ZC3H11C: variants seen among roughly 807,000 people sequenced by gnomAD.
ZC3H11C encodes zinc finger CCCH-type containing 11C.
At chr6:65,303,162 T>TA in the ZC3H11C span, 5 of 749,388 alleles carry the variant, frequency 6.7e-6, no homozygotes, top group East Asian at 1.4e-4. Flanking sequence ...CATTTTGGAA[T>TA]AAAAACTCTT....
chr6:65,301,949 T>G, the ZC3H11C span, among the ~76,000 whole-genome samples: 1 of 152,268 alleles, frequency 6.6e-6, no homozygotes, highest in Non-Finnish European at 1.5e-5. Context: ...AATTGACTAG[T>G]ATTAAGTGTG....
At chr6:65,302,856 A>C in the ZC3H11C span, 1 of 1,613,060 alleles carries the variant, frequency 6.2e-7, no homozygotes, top group Non-Finnish European at 8.5e-7. Flanking sequence ...CCAGAAGAGG[A>C]AGTGAAGGCT....
the ZC3H11C span, chr6:65,302,434 T>C: frequency 1.6e-6 from 1 of 632,818 alleles, no homozygotes; most frequent in Admixed American, 2.9e-5. Flanking sequence ...ATTAAACCCA[T>C]TTCACGAGGA....
At chr6:65,305,207 C>T in the ZC3H11C span, among the ~76,000 whole-genome samples, 3 of 151,964 alleles carry the variant, frequency 2.0e-5, no homozygotes, top group South Asian at 6.2e-4. Context: ...TCATACCCTT[C>T]TCTCCACAAA....
At chr6:65,301,941 T>C in the ZC3H11C span, among the ~76,000 whole-genome samples, 117 of 152,190 alleles carry the variant, frequency 7.7e-4, no homozygotes, top group African/African-American at 2.7e-3. Flanking sequence ...TCCTGGAAAA[T>C]TGACTAGTAT....
chr6:65,305,373 G>T, the ZC3H11C span, among the ~76,000 whole-genome samples: 1 of 152,202 alleles, frequency 6.6e-6, no homozygotes, highest in Non-Finnish European at 1.5e-5. Flanking sequence ...GATGAAGACA[G>T]CTGCTACCAT....
the ZC3H11C span, among the ~76,000 whole-genome samples, chr6:65,305,322 G>A: frequency 1.3e-5 from 2 of 152,226 alleles, no homozygotes; most frequent in South Asian, 4.1e-4. Flanking sequence ...TATTCTTTAT[G>A]TATTGTCTTG....
the ZC3H11C span, among the ~76,000 whole-genome samples, chr6:65,301,638 C>A: frequency 2.0e-5 from 3 of 152,256 alleles, no homozygotes. Context: ...AGAAAGCCAC[C>A]GACCTTATTC....
the ZC3H11C span, among the ~76,000 whole-genome samples, chr6:65,305,276 G>A: frequency 6.6e-6 from 1 of 152,112 alleles, no homozygotes; most frequent in Middle Eastern, 3.2e-3. Flanking sequence ...GACTCCTTGA[G>A]GTGTTTGTCA....
chr6:65,305,380 C>T, the ZC3H11C span, among the ~76,000 whole-genome samples: 1 of 152,182 alleles, frequency 6.6e-6, no homozygotes, highest in African/African-American at 2.4e-5. Context: ...ACAGCTGCTA[C>T]CATTAAGGAC....
the ZC3H11C span, among the ~76,000 whole-genome samples, chr6:65,306,001 ATTGAG>A: frequency 2.6e-5 from 4 of 152,032 alleles, no homozygotes; most frequent in Non-Finnish European, 5.9e-5. Flanking sequence ...TCATTTCTGA[ATTGAG>A]TTTTCTTTTC....
the ZC3H11C span, among the ~76,000 whole-genome samples, chr6:65,305,620 A>C: frequency 6.6e-6 from 1 of 152,138 alleles, no homozygotes; most frequent in African/African-American, 2.4e-5. Flanking sequence ...AAAAGGCTTT[A>C]AAGTGCCTCA....
the ZC3H11C span, among the ~76,000 whole-genome samples, chr6:65,302,130 C>T: frequency 6.6e-6 from 1 of 152,124 alleles, no homozygotes; most frequent in Non-Finnish European, 1.5e-5. Context: ...AGATAACTAA[C>T]CCTAGCTGTC....
At chr6:65,305,870 G>GA in the ZC3H11C span, among the ~76,000 whole-genome samples, 3 of 152,072 alleles carry the variant, frequency 2.0e-5, no homozygotes, top group African/African-American at 7.2e-5. Context: ...CCACCTGAGG[G>GA]AAAAAATGAG....
chr6:65,301,968 T>C, the ZC3H11C span, among the ~76,000 whole-genome samples: 1 of 152,278 alleles, frequency 6.6e-6, no homozygotes, highest in Admixed American at 6.5e-5. Context: ...TGAAGAAATC[T>C]TGAAGACCAG....
At chr6:65,306,205 C>T in the ZC3H11C span, among the ~76,000 whole-genome samples, 3 of 152,326 alleles carry the variant, frequency 2.0e-5, no homozygotes, top group Non-Finnish European at 4.4e-5. Context: ...TGACCCCCAC[C>T]TGTCATGTTG....
At chr6:65,302,078 T>G in the ZC3H11C span, among the ~76,000 whole-genome samples, 2 of 152,384 alleles carry the variant, frequency 1.3e-5, no homozygotes, top group South Asian at 4.1e-4. Flanking sequence ...GACTCTCAAG[T>G]TCATCTTTAA....
the ZC3H11C span, among the ~76,000 whole-genome samples, chr6:65,301,599 C>G: frequency 6.6e-6 from 1 of 152,268 alleles, no homozygotes; most frequent in East Asian, 1.9e-4. Context: ...GGTCCCACTA[C>G]TTTGGAGCTT....
At chr6:65,301,488 C>T in the ZC3H11C span, among the ~76,000 whole-genome samples, 1 of 152,216 alleles carries the variant, frequency 6.6e-6, no homozygotes. Context: ...TCTTGGTTTT[C>T]TGCTAGTGCT....
Sources: gnomAD v4.1 joint callset for allele counts (sites outside exome capture counted in the v4.1 genomes callset) on GRCh38, gnomAD v4.1.1 for gene constraint, MANE v1.5 for transcripts, NCBI Gene and HGNC (gene_info 2026-07-23, HGNC 2026-07-21) for gene names.